Variants in SP3 observed in about 807,000 individuals in gnomAD.
SP3 encodes the protein Sp3 transcription factor.
Under a neutral mutation model 70.3 loss-of-function variants are expected in SP3, and 10 were observed. That is an observed-to-expected ratio of 0.14 (90% confidence interval 0.09 to 0.24). The LOEUF (loss-of-function observed/expected upper bound fraction) is 0.24. Ranked by LOEUF, SP3 falls within the 10% of genes least tolerant of loss-of-function variation. The pLI is 1.00. For missense variants in SP3, 825 were observed against 914.6 expected, an observed-to-expected ratio of 0.90 and a Z score of 1.26; for synonymous variants, 402 against 333.5, an observed-to-expected ratio of 1.21 and a Z score of -2.24.
intron 3 of SP3, among the ~76,000 whole-genome samples, chr2:173,957,913 T>C (rs1690947157): frequency 6.6e-6 from 1 of 152,296 alleles, no homozygotes; most frequent in Non-Finnish European, 1.5e-5. Flanking sequence ...TAAAGTCACA[T>C]GTCACTCTGC....
In SP3 at chr2:173,955,844, T is replaced by C; in HGVS notation, c.668A>G (p.Asn223Ser). 1 of 1,614,246 alleles carries C rather than the reference T, an allele frequency of 6.2e-7. No homozygotes were observed. The highest frequency in any genetic ancestry group is 8.5e-7 in the Non-Finnish European group (1 of 1,180,028). ...TLLASGTPSANIQNLIPQTGQ... is the reference protein window; with the variant it reads ...TLLASGTPSASIQNLIPQTGQ... ...AGTCTGTGGTATGAGATTCTGGATG[T>C]TAGCAGAAGGTGTTCCAGAGGCAAG... Residue 223 changes from asparagine (N) to serine (S), a missense_variant, in exon 4 of 7, where the codon AAC (asparagine) becomes AGC (serine). Physicochemically the swap from Asn to Ser is conservative, Grantham distance 46. Coordinates refer to ENST00000310015, the MANE Select transcript of SP3 (RefSeq NM_003111.5).
At chr2:173,945,012 G>A (rs1690489597) in intron 4 of SP3, among the ~76,000 whole-genome samples, 1 of 152,116 alleles carries the variant, frequency 6.6e-6, no homozygotes, top group African/African-American at 2.4e-5. Flanking sequence ...TGAATTAGTT[G>A]AGCTCTCTAA....
intron 6 of SP3, among the ~76,000 whole-genome samples, chr2:173,910,760 G>A (rs969771063): frequency 6.6e-6 from 1 of 152,176 alleles, no homozygotes; most frequent in African/African-American, 2.4e-5. Flanking sequence ...AAAAGAATGA[G>A]TAATCCTTAG....
intron 3 of SP3, chr2:173,963,196 TTAG>T (rs1276916220): frequency 6.6e-6 from 1 of 152,198 alleles, no homozygotes; most frequent in Non-Finnish European, 1.5e-5. Flanking sequence ...ACTGCAAATT[TTAG>T]TAGTCTGCAA....
At chr2:173,911,251 T>C (rs948257997) in intron 6 of SP3, among the ~76,000 whole-genome samples, 3 of 151,370 alleles carry the variant, frequency 2.0e-5, no homozygotes, top group Non-Finnish European at 4.4e-5. Context: ...CAAGGGTAAC[T>C]TGCAGATGAC....
intron 4 of SP3, among the ~76,000 whole-genome samples, chr2:173,924,383 C>A (rs778522792): frequency 3.3e-5 from 5 of 152,144 alleles, no homozygotes; most frequent in Admixed American, 6.5e-5. Flanking sequence ...GATGATGTGA[C>A]CTGTAATTAG....
Position 173,960,934 on chromosome 2 carries a change from C to T in SP3, c.279+2827G>A, listed in dbSNP as rs138820736. 1.3e-3 allele frequency among the ~76,000 whole-genome samples: 195 copies of T among 152,174 alleles called. 3 individuals are homozygous for T. In the East Asian group the frequency reaches 0.033, roughly 26 times the overall value. On this transcript the variant is annotated intron_variant, in intron 3 of 6. Coordinates refer to ENST00000310015, the MANE Select transcript of SP3 (RefSeq NM_003111.5). ...GAGCCTGCAGTGAGCCGAGATCGCG[C>T]CACTGCACTCCAGTCTGGGCGACAG... is the stretch of plus-strand genomic sequence containing the variant.
At chr2:173,923,710 CT>C (rs1689825546) in intron 4 of SP3, among the ~76,000 whole-genome samples, 1 of 151,928 alleles carries the variant, frequency 6.6e-6, no homozygotes. Flanking sequence ...TTCATATTCT[CT>C]GCCTTCAACT....
intron 4 of SP3, among the ~76,000 whole-genome samples, chr2:173,928,306 G>A (rs1256559593): frequency 1.3e-5 from 2 of 152,166 alleles, no homozygotes; most frequent in Non-Finnish European, 1.5e-5. Flanking sequence ...GAGGGCCCCA[G>A]GCCCTCATGT....
Position 173,908,967 on chromosome 2 carries a change from T to C in SP3, c.*974A>G, listed in dbSNP as rs1184714980. On this transcript the variant is annotated 3_prime_UTR_variant, in exon 7 of 7. Transcript: ENST00000310015. The stretch of plus-strand genomic sequence containing the variant: ...AAACCTCTAGTTCTTCTATGACTAA[T>C]ATCCATATGGTTGGAGTATCGTCAC... 1 of 152,362 alleles carries C rather than the reference T, an allele frequency of 6.6e-6. No individual in the cohort carries two copies. Among genetic ancestry groups the C allele is most frequent in the Non-Finnish European group, 1.5e-5 (1 of 67,902 alleles). 9.4% of individuals were successfully genotyped at this position (152,362 alleles called of 1,614,324 possible).
intron 5 of SP3, chr2:173,913,771 T>A (rs1272972500): frequency 6.6e-6 from 1 of 152,208 alleles, no homozygotes; most frequent in Non-Finnish European, 1.5e-5. Context: ...AGAATATTTG[T>A]TCATATTTGT....
At chr2:173,962,055 ATG>A (rs1432065309) in intron 3 of SP3, among the ~76,000 whole-genome samples, 1 of 148,448 alleles carries the variant, frequency 6.7e-6, no homozygotes, top group Non-Finnish European at 1.5e-5. Flanking sequence ...GTTCGTCTTC[ATG>A]TGGCAGAATA....
intron 4 of SP3, among the ~76,000 whole-genome samples, chr2:173,934,236 TAAAA>T (rs572835204): frequency 2.9e-5 from 4 of 136,576 alleles, no homozygotes; most frequent in Non-Finnish European, 6.4e-5. Flanking sequence ...AACTTGTCTC[TAAAA>T]AAAAAAAAGA....
At chr2:173,953,848 AAAT>A (rs1690795809) in intron 4 of SP3, among the ~76,000 whole-genome samples, 1 of 152,192 alleles carries the variant, frequency 6.6e-6, no homozygotes, top group African/African-American at 2.4e-5. Flanking sequence ...CCCTAAAAAA[AAAT>A]AATCACAGCT....
At chr2:173,943,420 C>T (rs535573106) in intron 4 of SP3, among the ~76,000 whole-genome samples, 7 of 152,246 alleles carry the variant, frequency 4.6e-5, no homozygotes, top group Non-Finnish European at 7.4e-5. Context: ...TCTCATAAGG[C>T]GGGATTTCCT....
intron 6 of SP3, among the ~76,000 whole-genome samples, chr2:173,911,813 C>CTTTTTTTTTTTTTTTTTTTTTTTTTT (rs11448837): frequency 1.0e-5 from 1 of 98,042 alleles, no homozygotes; most frequent in Non-Finnish European, 1.9e-5. Context: ...TTTTATCTAC[C>CTTTTTTTTTTTTTTTTTTTTTTTTTT]TTTTTTTTTT....
chr2:173,949,761 G>A (rs932436418), intron 4 of SP3, among the ~76,000 whole-genome samples: 10 of 152,174 alleles, frequency 6.6e-5, no homozygotes, highest in Admixed American at 4.6e-4. Flanking sequence ...GAATAATGGG[G>A]AATTCTAAAC....
rs1438163304 is a variant in SP3 at position 173,964,623 on chromosome 2, G to A, written c.8-70C>T. 1.3e-5 allele frequency: 8 copies of A among 621,644 alleles called. No homozygotes were observed. In the East Asian group the frequency reaches 2.4e-4, roughly 18 times the overall value. 38.5% of individuals were successfully genotyped at this position (621,644 alleles called of 1,614,324 possible). A position where few individuals can be genotyped will look rare whatever the true frequency, so the allele number is the denominator to read the frequency against. On this transcript the variant is annotated intron_variant, in intron 1 of 6. Coordinates refer to ENST00000310015, the MANE Select transcript of SP3 (RefSeq NM_003111.5). ...TGGCGGAGAGGGAGGGGGCCCGCGG[G>A]CCGAAGCGAAATTACTCCCAAAGCC...
At chr2:173,923,402 A>C (rs372021271) in intron 4 of SP3, among the ~76,000 whole-genome samples, 1 of 152,252 alleles carries the variant, frequency 6.6e-6, no homozygotes, top group East Asian at 1.9e-4. Flanking sequence ...TACAAAGATA[A>C]GGCTAATTTT....
Sources: gnomAD v4.1 joint callset for allele counts (sites outside exome capture counted in the v4.1 genomes callset) on GRCh38, gnomAD v4.1.1 for gene constraint, MANE v1.5 for transcripts, NCBI Gene and HGNC (gene_info 2026-07-23, HGNC 2026-07-21) for gene names.